OTOGL: variants seen among roughly 807,000 people sequenced by gnomAD.
The protein encoded by OTOGL is otogelin like, also known as otogelin-like protein.
OTOGL carries 285 observed loss-of-function variants against 318.5 expected under a neutral mutation model. The observed-to-expected ratio is 0.89, with a 90% CI of 0.81 to 0.99. OTOGL has a LOEUF of 0.99. OTOGL is among the 50% of genes least tolerant of loss of function. The pLI, the probability that OTOGL is intolerant of heterozygous loss-of-function variation, is 0.00. For missense variants in OTOGL, 2,899 were observed against 2,845.6 expected, an observed-to-expected ratio of 1.02 and a Z score of -0.43; for synonymous variants, 987 against 936.5, an observed-to-expected ratio of 1.05 and a Z score of -0.99.
At chr12:80,115,279 GT>G (rs1429490233) in intron 1 of OTOGL, among the ~76,000 whole-genome samples, 11 of 152,128 alleles carry the variant, frequency 7.2e-5, no homozygotes, top group African/African-American at 2.4e-4. Context: ...TGGAGTTTTT[GT>G]GTGGTCTTCC....
chr12:80,164,442 G>A (rs1479907909), intron 1 of OTOGL, among the ~76,000 whole-genome samples: 2 of 152,080 alleles, frequency 1.3e-5, no homozygotes, highest in African/African-American at 2.4e-5. Context: ...CTGTTCAAAT[G>A]TTCTATTTCT....
rs887642137 is a variant in OTOGL, at chr12:80,254,457, A to G, written c.1395-67A>G. 16 of 1,305,000 alleles carry G rather than the reference A, an allele frequency of 1.2e-5. No homozygotes were observed. In the African/African-American group the frequency reaches 2.2e-4, roughly 18 times the overall value. The allele number at this position is 1,305,000 out of a possible 1,614,324, so 80.8% of individuals were successfully genotyped here. A position where few individuals can be genotyped will look rare whatever the true frequency, so the allele number is the denominator to read the frequency against. ...GATATATTTTGGTCCATTAATCAATACATTGATGCAAACATTAATACAGTT... is the reference window on the plus strand; with the variant it reads ...GATATATTTTGGTCCATTAATCAATGCATTGATGCAAACATTAATACAGTT... On this transcript the variant is annotated intron_variant, in intron 14 of 58. Transcript: ENST00000547103.
intron 1 of OTOGL, among the ~76,000 whole-genome samples, chr12:80,172,250 C>A (rs551907134): frequency 8.6e-4 from 130 of 151,936 alleles, no homozygotes; most frequent in African/African-American, 3.1e-3. Context: ...ATGTCATATT[C>A]TTTGTGAAGG....
Position 80,378,079 on chromosome 12 carries a change from T to A in OTOGL, c.*31T>A. On this transcript the variant is annotated 3_prime_UTR_variant, in exon 59 of 59. Coordinates refer to ENST00000547103, the MANE Select transcript of OTOGL (RefSeq NM_001378609.3). ...TGGGTTCCAAGAGCTCTATACAACA[T>A]CATAACGTCAGATAGAATTAACTTT... The A allele has an allele frequency of 6.9e-7, 1 of 1,451,966 alleles. No individual in the cohort carries two copies. The highest frequency in any genetic ancestry group is 9.4e-7 in the Non-Finnish European group (1 of 1,063,522). 89.9% of individuals were successfully genotyped at this position (1,451,966 alleles called of 1,614,324 possible). A position where few individuals can be genotyped will look rare whatever the true frequency, so the allele number is the denominator to read the frequency against.
intron 1 of OTOGL, among the ~76,000 whole-genome samples, chr12:80,207,880 A>G (rs1876929868): frequency 6.6e-6 from 1 of 152,222 alleles, no homozygotes. Flanking sequence ...GTAAATATAT[A>G]TTTTTGAACT....
chr12:80,287,321 G>T (rs561119946), intron 26 of OTOGL, among the ~76,000 whole-genome samples: 1 of 151,610 alleles, frequency 6.6e-6, no homozygotes, highest in Non-Finnish European at 1.5e-5. Flanking sequence ...TTCCAATTAC[G>T]TGGTCAATTT....
rs780183721 is a variant in OTOGL at position 80,222,255 on chromosome 12, T to G, written c.489+10T>G. 3.2e-6 allele frequency: 5 copies of G among 1,565,038 alleles called. No homozygotes were observed. In the African/African-American group the frequency reaches 4.1e-5, roughly 13 times the overall value. On this transcript the variant is annotated intron_variant, in intron 7 of 58. Coordinates refer to ENST00000547103, the MANE Select transcript of OTOGL (RefSeq NM_001378609.3). ...TCGGTACACTGTATGGGTAGGTGAT[T>G]GTAGGACATGATTAACTTAAAAATA...
At chr12:80,369,997 T>TA (rs1890779472) in intron 55 of OTOGL, among the ~76,000 whole-genome samples, 1 of 152,058 alleles carries the variant, frequency 6.6e-6, no homozygotes, top group South Asian at 2.1e-4. Context: ...ATGGTTATTA[T>TA]ATTTAAATAT....
chr12:80,108,301 TATA>T (rs1869577569), intron 1 of OTOGL, among the ~76,000 whole-genome samples: 2 of 152,062 alleles, frequency 1.3e-5, no homozygotes, highest in East Asian at 1.9e-4. Context: ...ATTATTCTGT[TATA>T]ATATAATTGT....
At chr12:80,306,799 TATTA>T (rs1565970272) in intron 29 of OTOGL, among the ~76,000 whole-genome samples, 22 of 147,316 alleles carry the variant, frequency 1.5e-4, no homozygotes, top group African/African-American at 4.7e-4. Context: ...TTTATTTTAT[TATTA>T]TTATTATTAT....
At chr12:80,202,718 C>T (rs979720834) in intron 1 of OTOGL, among the ~76,000 whole-genome samples, 14 of 152,060 alleles carry the variant, frequency 9.2e-5, no homozygotes, top group Non-Finnish European at 1.9e-4. Context: ...ATTCATAGTA[C>T]CCCTCAGCAG....
intron 28 of OTOGL, among the ~76,000 whole-genome samples, chr12:80,304,423 T>C (rs958328520): frequency 3.3e-5 from 5 of 152,196 alleles, no homozygotes; most frequent in African/African-American, 1.2e-4. Flanking sequence ...TTTTAAAATT[T>C]AGTTTACCTG....
chr12:80,367,723 CA>C lies in OTOGL; in HGVS notation c.6501del (p.Lys2167AsnfsTer40), dbSNP rs1361238129. 13 of 1,413,444 alleles carry C rather than the reference CA, an allele frequency of 9.2e-6. No individual in the cohort carries two copies. The highest frequency in any genetic ancestry group is 3.0e-5 in the Admixed American group (1 of 33,668). 87.6% of individuals were successfully genotyped at this position (1,413,444 alleles called of 1,614,324 possible). ...HTLNFTLVNC[S>X]KKCDVHQVYT... ...CTGAATTTTACACTGGTGAATTGTT[CA>C]AAAAAATGTGATGTTGTAAGTATTC... On this transcript the variant is annotated frameshift_variant, in exon 54 of 59. Coordinates refer to ENST00000547103, the MANE Select transcript of OTOGL (RefSeq NM_001378609.3). LOFTEE classifies it high-confidence loss of function.
At position 80,311,517 on chromosome 12, in the gene OTOGL, G is replaced by A. The variant is rs985866547; in HGVS notation, c.3450+790G>A. 2.6e-5 allele frequency among the ~76,000 whole-genome samples: 4 copies of A among 152,178 alleles called. No homozygotes were observed. The East Asian group carries it at 7.7e-4, about 29-fold the overall frequency. On this transcript the variant is annotated intron_variant, in intron 30 of 58. Transcript: ENST00000547103. ...GGCTCACTACAACCTCTGCCTCCTG[G>A]ATTCAAGCGATTCTCCTGCCTCAGC...
At chr12:80,255,321 A>T in intron 16 of OTOGL, 136 bp downstream of exon 16, 1 of 892,992 alleles carries the variant, frequency 1.1e-6, no homozygotes, top group Non-Finnish European at 1.5e-6. Flanking sequence ...TTATTAAGAT[A>T]CATCATTATT....
chr12:80,329,551 A>G (rs972919155), intron 37 of OTOGL, among the ~76,000 whole-genome samples: 3 of 152,238 alleles, frequency 2.0e-5, no homozygotes, highest in African/African-American at 7.2e-5. Flanking sequence ...TGAAACAGAC[A>G]TAAATCAGGG....
rs1485931567 is a variant in OTOGL, at chr12:80,278,230, G to T, written c.2744G>T (p.Trp915Leu). The T allele has an allele frequency of 6.5e-7, 1 of 1,546,844 alleles. No homozygotes were observed. Among genetic ancestry groups the T allele is most frequent in the African/African-American group, 1.4e-5 (1 of 72,922 alleles). Reference sequence around the variant, plus strand: ...AGCTGCCCATGTATTTGGAAAGATTGGGAGTATCTCTCAGGAGAAGTGATT... The same window carrying T: ...AGCTGCCCATGTATTTGGAAAGATTTGGAGTATCTCTCAGGAGAAGTGATT... ...PESCPCIWKD[W>L]EYLSGEVIAT... The change falls in exon 25 of 59, where the codon TGG becomes TTG. Residue 915 changes from tryptophan (W) to leucine (L), a missense_variant. Around this residue, in one of 3 missense-constraint regions of OTOGL, gnomAD observed 2,607 missense variants for 2,524.9 expected, o/e 1.03. Transcript: ENST00000547103.
chr12:80,332,028 T>C (rs1310514349), intron 37 of OTOGL, among the ~76,000 whole-genome samples: 1 of 152,138 alleles, frequency 6.6e-6, no homozygotes, highest in Non-Finnish European at 1.5e-5. Context: ...GTCCAGATAG[T>C]TCATAGAAGC....
intron 1 of OTOGL, among the ~76,000 whole-genome samples, chr12:80,175,420 G>A (rs1473268489): frequency 6.6e-6 from 1 of 152,128 alleles, no homozygotes; most frequent in African/African-American, 2.4e-5. Flanking sequence ...GTGTTTCTAA[G>A]GGTGAATCAG....
Sources: allele counts gnomAD v4.1 joint callset (sites outside exome capture counted in the v4.1 genomes callset), GRCh38; gene constraint gnomAD v4.1.1; regional missense constraint gnomAD v4.1.1; transcripts MANE v1.5; gene names NCBI Gene and HGNC (gene_info 2026-07-23, HGNC 2026-07-21).